Variants in PTPRK observed in about 807,000 individuals in gnomAD.
PTPRK encodes the protein receptor-type tyrosine-protein phosphatase kappa.
In PTPRK, 75 loss-of-function variants were observed where a neutral mutation model predicts 178.0. That is an observed-to-expected ratio of 0.42 (90% confidence interval 0.35 to 0.51). The LOEUF is 0.51. PTPRK is among the 20% of genes least tolerant of loss of function. The probability of loss-of-function intolerance (pLI) is 0.02; values close to 1 mark genes in which losing one functional copy is unlikely to be tolerated. For missense variants in PTPRK, 1,441 were observed against 1,797.8 expected (o/e 0.80, Z 3.59); for synonymous variants, 637 against 620.6 (o/e 1.03, Z -0.39).
chr6:128,480,336 A>G (rs1461369631), intron 1 of PTPRK, among the ~76,000 whole-genome samples: 2 of 152,130 alleles, frequency 1.3e-5, no homozygotes, highest in Non-Finnish European at 2.9e-5. Context: ...AACAATAAGC[A>G]AGTGTTCCTA....
chr6:128,077,575 T>C (rs1391768568), intron 11 of PTPRK, among the ~76,000 whole-genome samples: 2 of 150,090 alleles, frequency 1.3e-5, no homozygotes, highest in Non-Finnish European at 2.9e-5. Context: ...GTATTCCTTT[T>C]ACACAAAGAA....
chr6:128,447,094 T>A (rs548158500), intron 1 of PTPRK, among the ~76,000 whole-genome samples: 1 of 152,236 alleles, frequency 6.6e-6, no homozygotes, highest in South Asian at 2.1e-4. Flanking sequence ...ATGTTTATCA[T>A]CCCACTTTAA....
chr6:128,362,828 A>G (rs191051859), intron 2 of PTPRK, among the ~76,000 whole-genome samples: 4 of 152,300 alleles, frequency 2.6e-5, no homozygotes, highest in Admixed American at 6.5e-5. Flanking sequence ...GAATATAAAT[A>G]TAAATATGTG....
At chr6:128,403,893 GGCCAT>G (rs1157181813) in intron 1 of PTPRK, among the ~76,000 whole-genome samples, 3 of 152,050 alleles carry the variant, frequency 2.0e-5, no homozygotes, top group African/African-American at 7.2e-5. Context: ...CAGTTTTGTG[GGCCAT>G]GCCATTTTTG....
chr6:128,322,713 T>C (rs1460522771), intron 2 of PTPRK, among the ~76,000 whole-genome samples: 1 of 151,008 alleles, frequency 6.6e-6, no homozygotes, highest in Non-Finnish European at 1.5e-5. Context: ...CGATACATTA[T>C]TGGCCTGGTT....
chr6:128,127,909 AAG>A lies in PTPRK; in HGVS notation c.1163-37919_1163-37918del, dbSNP rs936097135. ...TTTCAAGCCTGTGGATCAGCTTACT[AAG>A]AGACTGTCCTGTGATTTCAAAATAA... is the stretch of plus-strand genomic sequence containing the variant. On this transcript the variant is annotated intron_variant, in intron 7 of 29. Transcript: ENST00000368226. Among the ~76,000 whole-genome samples the A allele has an allele frequency of 2.2e-4, 33 of 152,338 alleles. 1 individual carries two copies. Among genetic ancestry groups the A allele is most frequent in the African/African-American group, 7.7e-4 (32 of 41,586 alleles).
chr6:128,108,659 A>G (rs1050448892), intron 7 of PTPRK, among the ~76,000 whole-genome samples: 3 of 152,186 alleles, frequency 2.0e-5, no homozygotes, highest in African/African-American at 7.2e-5. Context: ...GGAAATTGTA[A>G]GTAATGATAT....
chr6:128,102,157 A>T (rs1788899591), intron 7 of PTPRK, among the ~76,000 whole-genome samples: 1 of 152,208 alleles, frequency 6.6e-6, no homozygotes, highest in Non-Finnish European at 1.5e-5. Flanking sequence ...AGCAGATTTT[A>T]AAAATATAGA....
Position 127,985,482 on chromosome 6 carries a change from C to T in PTPRK, c.3251+239G>A, listed in dbSNP as rs187038975. The stretch of plus-strand genomic sequence containing the variant: ...ATGTTGCCATTAAAAGGCAGAGTTT[C>T]TATACTTTAAATTGTGGATAACACT... On this transcript the variant is annotated intron_variant, in intron 22 of 29. Coordinates refer to ENST00000368226, the MANE Select transcript of PTPRK (RefSeq NM_002844.4). 2.4e-3 allele frequency among the ~76,000 whole-genome samples: 368 copies of T among 152,278 alleles called. 2 individuals carry two copies. Among genetic ancestry groups the T allele is most frequent in the Non-Finnish European group, 2.5e-3 (172 of 68,040 alleles).
intron 6 of PTPRK, among the ~76,000 whole-genome samples, chr6:128,197,382 A>G (rs1805071417): frequency 1.3e-5 from 2 of 151,984 alleles, no homozygotes; most frequent in Admixed American, 1.3e-4. Context: ...TCTGACATTG[A>G]ACAAATGTCA....
At chr6:128,000,026 TA>T in intron 15 of PTPRK, 1 of 955,752 alleles carries the variant, frequency 1.0e-6, no homozygotes, top group Non-Finnish European at 1.2e-6. Flanking sequence ...ACCGAAGTAC[TA>T]AACATTACAA....
intron 3 of PTPRK, among the ~76,000 whole-genome samples, chr6:128,263,220 G>A (rs571307688): frequency 1.3e-5 from 2 of 152,266 alleles, no homozygotes; most frequent in East Asian, 3.9e-4. Context: ...TTCTTGGGAG[G>A]ACTTGGTAAA....
At chr6:128,462,087 C>G (rs1448394190) in intron 1 of PTPRK, among the ~76,000 whole-genome samples, 1 of 152,072 alleles carries the variant, frequency 6.6e-6, no homozygotes, top group African/African-American at 2.4e-5. Flanking sequence ...CCTCAGCCTC[C>G]CAAGTAGCCA....
chr6:128,508,869 C>A (rs972112099), intron 1 of PTPRK, among the ~76,000 whole-genome samples: 11 of 151,858 alleles, frequency 7.2e-5, no homozygotes, highest in African/African-American at 2.7e-4. Context: ...ATCGCTTGAA[C>A]CCAGGAGGCG....
chr6:128,472,124 T>C (rs1473113385), intron 1 of PTPRK, among the ~76,000 whole-genome samples: 2 of 152,098 alleles, frequency 1.3e-5, no homozygotes, highest in Non-Finnish European at 2.9e-5. Context: ...CAAGGCTGCT[T>C]CTTCCCTCCA....
chr6:128,194,056 TTA>T lies in PTPRK; in HGVS notation c.869-9333_869-9332del, dbSNP rs1228103270. On this transcript the variant is annotated intron_variant, in intron 6 of 29. Coordinates refer to ENST00000368226, the MANE Select transcript of PTPRK (RefSeq NM_002844.4). The stretch of plus-strand genomic sequence containing the variant: ...TTAGAATGATAAATCGCAATAATAT[TTA>T]TATATATATTATTATTATTATTATT... Among the ~76,000 whole-genome samples, 559 of 138,000 alleles carry T rather than the reference TTA, an allele frequency of 4.1e-3. 6 individuals are homozygous for T. Among genetic ancestry groups the T allele is most frequent in the African/African-American group, 0.014 (501 of 35,340 alleles). 90.5% of individuals were successfully genotyped at this position (138,000 alleles called of 152,430 possible).
intron 7 of PTPRK, among the ~76,000 whole-genome samples, chr6:128,112,318 T>C (rs1010564749): frequency 3.3e-5 from 5 of 152,222 alleles, no homozygotes; most frequent in Non-Finnish European, 7.4e-5. Context: ...AAAAACTGCA[T>C]GCATGGCTAG....
intron 13 of PTPRK, among the ~76,000 whole-genome samples, chr6:128,046,527 T>A (rs1432492559): frequency 6.6e-6 from 1 of 152,064 alleles, no homozygotes; most frequent in East Asian, 1.9e-4. Flanking sequence ...CTAACTTCCA[T>A]CCCTTTAAAA....
chr6:128,163,555 A>G (rs1798974758), intron 7 of PTPRK, among the ~76,000 whole-genome samples: 2 of 151,464 alleles, frequency 1.3e-5, no homozygotes, highest in Non-Finnish European at 3.0e-5. Flanking sequence ...AAAAAGCTGA[A>G]TTAGCTTACT....
Sources: allele counts gnomAD v4.1 joint callset (sites outside exome capture counted in the v4.1 genomes callset), GRCh38; gene constraint gnomAD v4.1.1; transcripts MANE v1.5; gene names NCBI Gene and HGNC (gene_info 2026-07-23, HGNC 2026-07-21).